The following TLK2 variants were observed in gnomAD, a reference collection of about 807,000 sequenced individuals.
TLK2 encodes the protein serine/threonine-protein kinase tousled-like 2.
A neutral mutation model predicts 117.3 loss-of-function variants in TLK2; 6 were observed. The observed-to-expected ratio is 0.05, with a 90% CI of 0.03 to 0.10. The LOEUF (loss-of-function observed/expected upper bound fraction) is 0.10, where lower values mean the gene tolerates loss of function less well. Among genes scored for constraint, TLK2 ranks in the 10% least tolerant of loss-of-function variants. TLK2 has a pLI of 1.00. For missense variants in TLK2, 299 were observed against 901.2 expected, an observed-to-expected ratio of 0.33 and a Z score of 8.56; for synonymous variants, 257 against 316.7, an observed-to-expected ratio of 0.81 and a Z score of 2.00.
intron 16 of TLK2, among the ~76,000 whole-genome samples, chr17:62,596,165 A>G (rs2082465860): frequency 6.6e-6 from 1 of 151,960 alleles, no homozygotes; most frequent in South Asian, 2.1e-4. Context: ...GCATCCTCCA[A>G]CTCCTGGGTT....
intron 7 of TLK2, among the ~76,000 whole-genome samples, chr17:62,549,398 CAAAAAAAAA>C (rs777779302): frequency 8.1e-5 from 3 of 37,100 alleles, no homozygotes; most frequent in East Asian, 1.5e-3. Flanking sequence ...GACTCCATCT[CAAAAAAAAA>C]AAAAAAAAAA....
intron 11 of TLK2, among the ~76,000 whole-genome samples, chr17:62,570,874 C>G (rs1047996048): frequency 5.9e-5 from 9 of 152,108 alleles, no homozygotes; most frequent in Admixed American, 2.0e-4. Context: ...TTGCTAAAAT[C>G]TCAATTTTGC....
intron 2 of TLK2, among the ~76,000 whole-genome samples, chr17:62,500,430 T>A (rs184434386): frequency 9.8e-5 from 15 of 152,298 alleles, no homozygotes; most frequent in Non-Finnish European, 1.6e-4. Flanking sequence ...ATCAATTTTT[T>A]GAGAAGACAC....
intron 6 of TLK2, among the ~76,000 whole-genome samples, chr17:62,527,111 C>G (rs1433719287): frequency 6.6e-6 from 1 of 152,214 alleles, no homozygotes; most frequent in African/African-American, 2.4e-5. Context: ...GGTCTTTGTA[C>G]TTGTTATTCC....
chr17:62,590,402 G>A (rs546302475), intron 16 of TLK2, among the ~76,000 whole-genome samples: 2 of 152,130 alleles, frequency 1.3e-5, no homozygotes, highest in Non-Finnish European at 2.9e-5. Flanking sequence ...TCGCGCCACT[G>A]TATGTACTCC....
intron 2 of TLK2, among the ~76,000 whole-genome samples, chr17:62,517,652 GATT>G (rs1294436064): frequency 6.6e-6 from 1 of 152,056 alleles, no homozygotes; most frequent in East Asian, 1.9e-4. Context: ...AAAGTGCTGG[GATT>G]ACAGGCGTGA....
intron 2 of TLK2, among the ~76,000 whole-genome samples, chr17:62,504,255 C>T (rs559881206): frequency 6.6e-6 from 1 of 152,246 alleles, no homozygotes; most frequent in African/African-American, 2.4e-5. Context: ...CTGTATTACC[C>T]TCATCCCCAA....
upstream of TLK2, among the ~76,000 whole-genome samples, chr17:62,476,219 A>T (rs1466533831): frequency 2.6e-5 from 4 of 151,482 alleles, no homozygotes; most frequent in Admixed American, 6.6e-5. Context: ...GCCTCAAGTG[A>T]TCCACCCGCC....
intron 16 of TLK2, among the ~76,000 whole-genome samples, chr17:62,594,357 G>C (rs1412163444): frequency 1.3e-5 from 2 of 152,276 alleles, no homozygotes; most frequent in East Asian, 3.9e-4. Context: ...ACAGTGAGCT[G>C]TGATCGCGCC....
Position 62,540,400 on chromosome 17 carries a change from A to ATTTTTTTTTTTTTTTTTTTTTTTT in TLK2, c.531+4086_531+4087insTTTTTTTTTTTTTTTTTTTTTTTT, listed in dbSNP as rs534202077. On this transcript the variant is annotated intron_variant, in intron 7 of 21. Coordinates refer to ENST00000346027, the MANE Select transcript of TLK2 (RefSeq NM_006852.6). ...ATTTTACCTTCAAAATATGTTCAGA[A>ATTTTTTTTTTTTTTTTTTTTTTTT]TTTTTTTTTTTTTTTTTTTTTTTGA... 8.0e-4 allele frequency among the ~76,000 whole-genome samples: 16 copies of ATTTTTTTTTTTTTTTTTTTTTTTT among 19,988 alleles called. 1 individual carries two copies. Among genetic ancestry groups the ATTTTTTTTTTTTTTTTTTTTTTTT allele is most frequent in the Admixed American group, 2.1e-3 (2 of 932 alleles). The allele number at this position is 19,988 out of a possible 152,430, so 13.1% of individuals were successfully genotyped here. A position where few individuals can be genotyped will look rare whatever the true frequency, so the allele number is the denominator to read the frequency against.
intron 2 of TLK2, among the ~76,000 whole-genome samples, chr17:62,510,103 G>A (rs1027954183): frequency 1.2e-4 from 19 of 152,094 alleles, no homozygotes; most frequent in African/African-American, 2.2e-4. Context: ...GTGAAACCCC[G>A]TCTCTACATA....
At chr17:62,583,487 T>C (rs558199507) in intron 15 of TLK2, among the ~76,000 whole-genome samples, 1 of 152,354 alleles carries the variant, frequency 6.6e-6, no homozygotes, top group East Asian at 1.9e-4. Flanking sequence ...TATGTAATTT[T>C]AAATCATCAA....
At chr17:62,495,038 GC>G (rs2144786219) in intron 2 of TLK2, among the ~76,000 whole-genome samples, 1 of 152,108 alleles carries the variant, frequency 6.6e-6, no homozygotes, top group Non-Finnish European at 1.5e-5. Flanking sequence ...ATGGTGGTGG[GC>G]ACTTGTAACC....
intron 2 of TLK2, among the ~76,000 whole-genome samples, chr17:62,501,777 T>C (rs963874177): frequency 5.3e-5 from 8 of 151,928 alleles, no homozygotes; most frequent in Non-Finnish European, 1.2e-4. Flanking sequence ...CTGGGCAATA[T>C]AGCGAGACTC....
At chr17:62,502,028 A>ATTTTTTTTTTTTTT (rs746988825) in intron 2 of TLK2, among the ~76,000 whole-genome samples, 1 of 134,246 alleles carries the variant, frequency 7.4e-6, no homozygotes, top group African/African-American at 2.8e-5. Flanking sequence ...AAAAAATACC[A>ATTTTTTTTTTTTTT]ATTTTTTTTT....
chr17:62,475,964 ATAAT>A (rs1054595099), upstream of TLK2, among the ~76,000 whole-genome samples: 5 of 149,888 alleles, frequency 3.3e-5, 1 homozygote, highest in Admixed American at 1.3e-4. Flanking sequence ...CCAGCCTTAA[ATAAT>A]TACTTTTATT....
At chr17:62,473,025 G>A (rs2070970581) in intron 1 of TLK2, among the ~76,000 whole-genome samples, 1 of 152,102 alleles carries the variant, frequency 6.6e-6, no homozygotes, top group Non-Finnish European at 1.5e-5. Context: ...AAACAGCCAA[G>A]CCCCCAACCC....
At chr17:62,475,134 T>G (rs1388867704), upstream of TLK2, among the ~76,000 whole-genome samples, 1 of 152,158 alleles carries the variant, frequency 6.6e-6, no homozygotes, top group Non-Finnish European at 1.5e-5. Flanking sequence ...AGGAAATAAC[T>G]GGCTAAGTAA....
At chr17:62,590,876 C>T (rs1277394573) in intron 16 of TLK2, among the ~76,000 whole-genome samples, 1 of 152,182 alleles carries the variant, frequency 6.6e-6, no homozygotes, top group Non-Finnish European at 1.5e-5. Flanking sequence ...GCTTATTGCC[C>T]TTAAGCCTTT....
Sources: allele counts gnomAD v4.1 joint callset (sites outside exome capture counted in the v4.1 genomes callset), GRCh38; gene constraint gnomAD v4.1.1; transcripts MANE v1.5; gene names NCBI Gene and HGNC (gene_info 2026-07-23, HGNC 2026-07-21).